The following CSMD1 variants were observed in gnomAD, a reference collection of about 807,000 sequenced individuals.
CSMD1 encodes the protein CUB and sushi domain-containing protein 1.
Under a neutral mutation model 417.5 loss-of-function variants are expected in CSMD1, and 213 were observed. The observed-to-expected ratio is 0.51, with a 90% CI of 0.46 to 0.57. The LOEUF (loss-of-function observed/expected upper bound fraction) is 0.57, where lower values mean the gene tolerates loss of function less well. Among genes scored for constraint, CSMD1 ranks in the 20% least tolerant of loss-of-function variants. CSMD1 has a pLI of 0.00. For missense variants in CSMD1, 6,923 were observed against 4,529.7 expected (o/e 1.53, Z -15.17); for synonymous variants, 2,862 against 1,736.8 (o/e 1.65, Z -16.11).
chr8:4,259,233 G>A (rs1217418154), intron 3 of CSMD1, among the ~76,000 whole-genome samples: 1 of 152,096 alleles, frequency 6.6e-6, no homozygotes, highest in Admixed American at 6.6e-5. Flanking sequence ...GAGAGAATGC[G>A]GGACACAGAC....
chr8:3,040,767 C>A (rs943127035), intron 50 of CSMD1, among the ~76,000 whole-genome samples: 5 of 152,128 alleles, frequency 3.3e-5, no homozygotes, highest in Admixed American at 2.0e-4. Flanking sequence ...CGTGCCACTG[C>A]ACTCCAGCCT....
At chr8:3,733,259 C>CATAT (rs1554525034) in intron 6 of CSMD1, among the ~76,000 whole-genome samples, 7 of 147,302 alleles carry the variant, frequency 4.8e-5, no homozygotes, top group South Asian at 2.1e-4. Context: ...AATATATATA[C>CATAT]ACATACACAT....
chr8:4,322,810 C>A (rs1337382403), intron 3 of CSMD1, among the ~76,000 whole-genome samples: 1 of 152,168 alleles, frequency 6.6e-6, no homozygotes, highest in Non-Finnish European at 1.5e-5. Flanking sequence ...GCCTGGCCAA[C>A]ATGGTGAAAC....
rs115839455 is a variant in CSMD1, at chr8:4,926,822, A to G, written c.85+67510T>C. ...ACTGCTATTTTGTGTTTGAATATCTACCTAGAACTCCTCCCTAAATAGTTT... is the reference window on the plus strand; with the variant it reads ...ACTGCTATTTTGTGTTTGAATATCTGCCTAGAACTCCTCCCTAAATAGTTT... On this transcript the variant is annotated intron_variant, in intron 1 of 69. Coordinates refer to ENST00000635120, the MANE Select transcript of CSMD1 (RefSeq NM_033225.6). Among the ~76,000 whole-genome samples, 1,234 of 152,204 alleles carry G rather than the reference A, an allele frequency of 8.1e-3. 13 individuals are homozygous for G. Among genetic ancestry groups the G allele is most frequent in the African/African-American group, 0.028 (1,152 of 41,540 alleles).
intron 3 of CSMD1, among the ~76,000 whole-genome samples, chr8:4,171,092 C>A (rs1361146632): frequency 6.6e-6 from 1 of 151,838 alleles, no homozygotes; most frequent in Non-Finnish European, 1.5e-5. Context: ...TACCAGAGTC[C>A]AGCTGTACTA....
chr8:4,244,323 C>T (rs559076558), intron 3 of CSMD1, among the ~76,000 whole-genome samples: 1 of 152,144 alleles, frequency 6.6e-6, no homozygotes, highest in Non-Finnish European at 1.5e-5. Context: ...ATGCCTGAAA[C>T]TTTGCCTGGA....
chr8:4,426,374 G>T (rs565655696), intron 2 of CSMD1, among the ~76,000 whole-genome samples: 3 of 149,308 alleles, frequency 2.0e-5, no homozygotes, highest in African/African-American at 7.3e-5. Context: ...TATATATTTT[G>T]TATGTAGTAT....
chr8:4,805,700 C>T (rs1016229892), intron 1 of CSMD1, among the ~76,000 whole-genome samples: 1 of 152,186 alleles, frequency 6.6e-6, no homozygotes, highest in African/African-American at 2.4e-5. Context: ...GATGACAGAA[C>T]AGACCTCATA....
intron 4 of CSMD1, among the ~76,000 whole-genome samples, chr8:4,001,841 G>A (rs182630461): frequency 3.0e-4 from 46 of 151,704 alleles, no homozygotes; most frequent in African/African-American, 1.0e-3. Flanking sequence ...CATAAAGAAG[G>A]CAAAATAGAA....
In CSMD1 at chr8:3,343,294, T is replaced by G; in HGVS notation, c.3631A>C (p.Ser1211Arg). Residue 1211 changes from serine (S) to arginine (R), a missense_variant and splice_region_variant, in exon 23 of 70, where the codon AGT (serine) becomes CGT (arginine). Coordinates refer to ENST00000635120, the MANE Select transcript of CSMD1 (RefSeq NM_033225.6). The part of the protein sequence containing the change: ...TDQGFQLTYT[S>R]FDLVKCEDPG... ...CGTGATTAAGTCGTATGTTACTTACTGGTATAGGTGAGTTGAAAACCTTGG... is the reference window on the plus strand; with the variant it reads ...CGTGATTAAGTCGTATGTTACTTACGGGTATAGGTGAGTTGAAAACCTTGG... 6.2e-7 allele frequency: 1 copy of G among 1,612,544 alleles called. No homozygotes were observed.
At chr8:4,372,947 G>A (rs962857077) in intron 3 of CSMD1, among the ~76,000 whole-genome samples, 16 of 152,314 alleles carry the variant, frequency 1.1e-4, no homozygotes, top group East Asian at 3.9e-4. Flanking sequence ...ATTTGCTTCC[G>A]AAGAGTGCAG....
intron 7 of CSMD1, among the ~76,000 whole-genome samples, chr8:3,690,828 A>C (rs1800196881): frequency 6.6e-6 from 1 of 152,344 alleles, no homozygotes; most frequent in South Asian, 2.1e-4. Flanking sequence ...AACTAGCAAA[A>C]TTGAGGTTCT....
At chr8:3,580,294 A>G (rs1800327807) in intron 9 of CSMD1, among the ~76,000 whole-genome samples, 2 of 152,176 alleles carry the variant, frequency 1.3e-5, no homozygotes, top group Non-Finnish European at 2.9e-5. Context: ...AAAGATTTGT[A>G]AAGTGAGGGA....
intron 1 of CSMD1, among the ~76,000 whole-genome samples, chr8:4,908,706 T>A (rs1299827467): frequency 1.5e-5 from 2 of 130,716 alleles, no homozygotes; most frequent in Non-Finnish European, 3.2e-5. Context: ...ATCAGAGGTA[T>A]TCTTCATTTC....
chr8:4,449,865 T>A (rs1349289765), intron 2 of CSMD1, among the ~76,000 whole-genome samples: 1 of 152,160 alleles, frequency 6.6e-6, no homozygotes, highest in Non-Finnish European at 1.5e-5. Flanking sequence ...CTCACCCAGT[T>A]TCTTTACTTA....
chr8:3,295,994 G>C (rs780104163), intron 25 of CSMD1, among the ~76,000 whole-genome samples: 14 of 151,976 alleles, frequency 9.2e-5, no homozygotes, highest in Non-Finnish European at 1.6e-4. Context: ...GGAAGAGATA[G>C]GCAAACCACA....
intron 49 of CSMD1, among the ~76,000 whole-genome samples, chr8:3,067,032 T>C (rs1812978712): frequency 6.6e-6 from 1 of 152,080 alleles, no homozygotes; most frequent in Non-Finnish European, 1.5e-5. Context: ...CCACCCCTCC[T>C]TCAACCTCAT....
chr8:3,234,367 A>C (rs1174124312), intron 26 of CSMD1, among the ~76,000 whole-genome samples: 4 of 152,062 alleles, frequency 2.6e-5, no homozygotes, highest in Non-Finnish European at 5.9e-5. Flanking sequence ...ACTCAATCAC[A>C]CTTATTTCTT....
At chr8:4,492,427 G>A (rs1801750687) in intron 2 of CSMD1, among the ~76,000 whole-genome samples, 1 of 152,124 alleles carries the variant, frequency 6.6e-6, no homozygotes. Flanking sequence ...ACTACGGAAG[G>A]TGAACTCAAA....
Sources: allele counts gnomAD v4.1 joint callset (sites outside exome capture counted in the v4.1 genomes callset), GRCh38; gene constraint gnomAD v4.1.1; transcripts MANE v1.5; gene names NCBI Gene and HGNC (gene_info 2026-07-23, HGNC 2026-07-21).